DLGAP1: variants seen among roughly 807,000 people sequenced by gnomAD.
DLGAP1 encodes the protein DLG associated protein 1, also known as disks large-associated protein 1.
DLGAP1 carries 11 observed loss-of-function variants against 90.8 expected under a neutral mutation model. That is an observed-to-expected ratio of 0.12 (90% CI 0.08 to 0.20). The LOEUF is 0.20. Ranked by LOEUF, DLGAP1 falls within the 10% of genes least tolerant of loss-of-function variation. DLGAP1 has a pLI of 1.00. For missense variants in DLGAP1, 1,050 were observed against 1,333.8 expected, an observed-to-expected ratio of 0.79 and a Z score of 3.31; for synonymous variants, 558 against 540.7, an observed-to-expected ratio of 1.03 and a Z score of -0.44.
At chr18:4,134,919 T>C (rs2076375919) in intron 2 of DLGAP1, among the ~76,000 whole-genome samples, 1 of 151,942 alleles carries the variant, frequency 6.6e-6, no homozygotes, top group Non-Finnish European at 1.5e-5. Flanking sequence ...CTACAGTGGA[T>C]CTTCCAAGAA....
chr18:4,291,298 T>C (rs2079842668), intron 1 of DLGAP1, among the ~76,000 whole-genome samples: 1 of 152,200 alleles, frequency 6.6e-6, no homozygotes, highest in Non-Finnish European at 1.5e-5. Context: ...CTGGCATTTC[T>C]TTGGTTTTGT....
chr18:4,408,855 A>G (rs1241777747), intron 1 of DLGAP1, among the ~76,000 whole-genome samples: 3 of 152,136 alleles, frequency 2.0e-5, no homozygotes, highest in African/African-American at 7.2e-5. Flanking sequence ...TCACTGTCAA[A>G]TAAGAATATT....
intron 2 of DLGAP1, among the ~76,000 whole-genome samples, chr18:4,034,720 T>C (rs2074859971): frequency 6.6e-6 from 1 of 152,200 alleles, no homozygotes; most frequent in Non-Finnish European, 1.5e-5. Context: ...TAACATTGCC[T>C]TCTTGTGTAC....
At chr18:3,776,629 G>A (rs1008274873) in intron 5 of DLGAP1, among the ~76,000 whole-genome samples, 5 of 152,014 alleles carry the variant, frequency 3.3e-5, no homozygotes, top group East Asian at 1.9e-4. Flanking sequence ...CCTTCCCTGC[G>A]CCAGTGCCAG....
chr18:4,136,999 A>G (rs1301066563), intron 2 of DLGAP1, among the ~76,000 whole-genome samples: 1 of 152,112 alleles, frequency 6.6e-6, no homozygotes. Flanking sequence ...TGCTGCACCC[A>G]TTAACTCGTC....
rs75789921 is a variant in DLGAP1 at position 4,420,750 on chromosome 18, T to A, written c.-267+34256A>T. 2.0e-5 allele frequency among the ~76,000 whole-genome samples: 3 copies of A among 152,336 alleles called. No homozygotes were observed. The East Asian group carries it at 5.8e-4, about 29-fold the overall frequency. On this transcript the variant is annotated intron_variant, in intron 1 of 12. Coordinates refer to ENST00000315677, the MANE Select transcript of DLGAP1 (RefSeq NM_004746.4). ...GTTTATTGGCACCTCAAACCCAACA[T>A]ACTATTGCTAAATTCAACATCTTGT...
At chr18:4,249,836 G>A (rs537309551) in intron 1 of DLGAP1, among the ~76,000 whole-genome samples, 2 of 152,290 alleles carry the variant, frequency 1.3e-5, no homozygotes, top group African/African-American at 2.4e-5. Flanking sequence ...TGATCCTCAC[G>A]TCTCAGCCTG....
chr18:4,260,972 C>T (rs1032715223), intron 1 of DLGAP1, among the ~76,000 whole-genome samples: 1 of 152,104 alleles, frequency 6.6e-6, no homozygotes, highest in Non-Finnish European at 1.5e-5. Context: ...ACACAGCTTA[C>T]CAAAAAGTGA....
intron 2 of DLGAP1, among the ~76,000 whole-genome samples, chr18:4,105,993 C>T (rs1192277406): frequency 2.2e-5 from 3 of 135,508 alleles, no homozygotes; most frequent in Non-Finnish European, 4.6e-5. Flanking sequence ...GATCGCGCCA[C>T]TGCACTCCAG....
rs191854729 is a variant in DLGAP1, at chr18:3,996,991, A to C, written c.-73+8125T>G. Among the ~76,000 whole-genome samples the C allele has an allele frequency of 4.7e-3, 709 of 151,332 alleles. 2 individuals carry two copies. Among genetic ancestry groups the C allele is most frequent in the Middle Eastern group, 0.02 (6 of 294 alleles). Reference sequence around the variant, plus strand: ...ATAAATTTTTAGTAACTTTGACTCCACCATTAAATTGGATTAGAAATATAA... The same window carrying C: ...ATAAATTTTTAGTAACTTTGACTCCCCCATTAAATTGGATTAGAAATATAA... On this transcript the variant is annotated intron_variant, in intron 3 of 12. Transcript: ENST00000315677.
At chr18:4,233,511 T>C (rs541623346) in intron 1 of DLGAP1, among the ~76,000 whole-genome samples, 1 of 152,172 alleles carries the variant, frequency 6.6e-6, no homozygotes, top group African/African-American at 2.4e-5. Context: ...GTACATTATA[T>C]CAACATGATT....
intron 7 of DLGAP1, among the ~76,000 whole-genome samples, chr18:3,696,042 A>C (rs1311514380): frequency 6.6e-6 from 1 of 152,166 alleles, no homozygotes; most frequent in Non-Finnish European, 1.5e-5. Flanking sequence ...TTGCATATTG[A>C]TTTTGTATCC....
chr18:3,955,557 C>CA lies in DLGAP1; in HGVS notation c.-73+49558dup, dbSNP rs560901403. On this transcript the variant is annotated intron_variant, in intron 3 of 12. Coordinates refer to ENST00000315677, the MANE Select transcript of DLGAP1 (RefSeq NM_004746.4). ...AGAAACCCCGCCTCTACTAAAAATA[C>CA]AAAAAAATCAGCCGGATGTGGTGGT... Among the ~76,000 whole-genome samples, 1,004 of 151,976 alleles carry CA rather than the reference C, an allele frequency of 6.6e-3. 9 individuals carry two copies. Among genetic ancestry groups the CA allele is most frequent in the South Asian group, 0.024 (116 of 4,804 alleles).
At chr18:4,173,060 A>C (rs557172356) in intron 1 of DLGAP1, among the ~76,000 whole-genome samples, 1 of 152,362 alleles carries the variant, frequency 6.6e-6, no homozygotes, top group Non-Finnish European at 1.5e-5. Context: ...ATTTGAGAGA[A>C]AGATTTACTG....
chr18:4,283,964 C>A (rs1227125308), intron 1 of DLGAP1, among the ~76,000 whole-genome samples: 1 of 152,010 alleles, frequency 6.6e-6, no homozygotes, highest in Non-Finnish European at 1.5e-5. Flanking sequence ...CAGGCAGGAA[C>A]AAACAGATGA....
At chr18:4,167,251 G>A (rs998069275) in intron 1 of DLGAP1, among the ~76,000 whole-genome samples, 1 of 152,096 alleles carries the variant, frequency 6.6e-6, no homozygotes, top group South Asian at 2.1e-4. Flanking sequence ...ATTATTGATA[G>A]AGTAAATAAA....
At chr18:4,106,712 A>G (rs59201120) in intron 2 of DLGAP1, among the ~76,000 whole-genome samples, 10,673 of 152,242 alleles carry the variant, frequency 0.07, 1,041 homozygotes, top group African/African-American at 0.21. Context: ...GTTTCTTCAG[A>G]AAAGTTGTAC....
At chr18:4,377,216 G>T (rs2082032065) in intron 1 of DLGAP1, among the ~76,000 whole-genome samples, 1 of 152,056 alleles carries the variant, frequency 6.6e-6, no homozygotes, top group Non-Finnish European at 1.5e-5. Flanking sequence ...AGAACTGGAT[G>T]CACAAGAGAA....
intron 4 of DLGAP1, among the ~76,000 whole-genome samples, chr18:3,876,118 C>G (rs1013651703): frequency 2.0e-5 from 3 of 151,998 alleles, no homozygotes; most frequent in African/African-American, 7.2e-5. Flanking sequence ...TGAAATTATT[C>G]CCTTGGAGCT....
Sources: gnomAD v4.1 joint callset for allele counts (sites outside exome capture counted in the v4.1 genomes callset) on GRCh38, gnomAD v4.1.1 for gene constraint, MANE v1.5 for transcripts, NCBI Gene and HGNC (gene_info 2026-07-23, HGNC 2026-07-21) for gene names.